The following ARB2A variants were observed in gnomAD, a reference collection of about 807,000 sequenced individuals.
ARB2A encodes the protein ARB2 cotranscriptional regulator A.
chr5:93,932,962 A>C, the ARB2A span, among the ~76,000 whole-genome samples: 1 of 152,230 alleles, frequency 6.6e-6, no homozygotes, highest in Non-Finnish European at 1.5e-5. Context: ...CAAGAAAAAA[A>C]CAAACAATTC....
chr5:94,071,582 C>T, the ARB2A span, among the ~76,000 whole-genome samples: 5 of 151,822 alleles, frequency 3.3e-5, no homozygotes, highest in East Asian at 1.9e-4. Context: ...ACAAAAAATA[C>T]GAATAGGTAT....
the ARB2A span, among the ~76,000 whole-genome samples, chr5:93,972,160 A>T: frequency 6.6e-6 from 1 of 151,986 alleles, no homozygotes; most frequent in African/African-American, 2.4e-5. Context: ...TGGCTGGGGG[A>T]GGGTGCTTTT....
the ARB2A span, among the ~76,000 whole-genome samples, chr5:93,960,539 C>T: frequency 6.6e-6 from 1 of 152,294 alleles, no homozygotes; most frequent in South Asian, 2.1e-4. Context: ...TATATAGTCT[C>T]AGTACCTAAA....
At chr5:93,830,309 G>GTA in the ARB2A span, among the ~76,000 whole-genome samples, 74 of 49,640 alleles carry the variant, frequency 1.5e-3, no homozygotes, top group Middle Eastern at 0.011. Context: ...ATGTGTGTGT[G>GTA]TGTATATATA....
the ARB2A span, among the ~76,000 whole-genome samples, chr5:93,623,564 A>G: frequency 6.6e-6 from 1 of 152,210 alleles, no homozygotes; most frequent in Non-Finnish European, 1.5e-5. Context: ...TAAAATCACT[A>G]CAAAAGCTTT....
the ARB2A span, among the ~76,000 whole-genome samples, chr5:93,989,391 T>G: frequency 6.6e-6 from 1 of 152,158 alleles, no homozygotes; most frequent in Admixed American, 6.5e-5. Context: ...ATTACTATTT[T>G]TATGCCTCCA....
chr5:93,755,598 C>T, the ARB2A span, among the ~76,000 whole-genome samples: 1 of 152,214 alleles, frequency 6.6e-6, no homozygotes, highest in Non-Finnish European at 1.5e-5. Flanking sequence ...CCTCCACTCC[C>T]AAACACACAG....
the ARB2A span, among the ~76,000 whole-genome samples, chr5:93,968,435 T>C: frequency 2.6e-5 from 4 of 152,144 alleles, no homozygotes; most frequent in African/African-American, 9.6e-5. Flanking sequence ...ACTGGGTTTA[T>C]TAGGCTAATT....
the ARB2A span, chr5:93,741,611 G>T: frequency 6.9e-7 from 1 of 1,452,514 alleles, no homozygotes. Flanking sequence ...GATGGCCCTC[G>T]AGGCTTCAGA....
the ARB2A span, among the ~76,000 whole-genome samples, chr5:93,808,078 A>G: frequency 1.3e-5 from 2 of 151,998 alleles, no homozygotes; most frequent in Non-Finnish European, 2.9e-5. Context: ...CAACCTAGGG[A>G]GGGAACATGC....
chr5:93,784,439 CAG>C, the ARB2A span: 1 of 1,613,526 alleles, frequency 6.2e-7, no homozygotes, highest in Non-Finnish European at 8.5e-7. Context: ...ACATTGTGAA[CAG>C]AGTCTGTCAA....
At chr5:94,062,033 T>C in the ARB2A span, among the ~76,000 whole-genome samples, 1 of 152,194 alleles carries the variant, frequency 6.6e-6, no homozygotes, top group African/African-American at 2.4e-5. Context: ...ACTTACTATA[T>C]AGCTACTGTA....
At chr5:93,975,316 CAAAAAAA>C in the ARB2A span, among the ~76,000 whole-genome samples, 1 of 61,864 alleles carries the variant, frequency 1.6e-5, no homozygotes, top group East Asian at 5.2e-4. Flanking sequence ...GACTCCATCT[CAAAAAAA>C]AAAAAAAAAA....
the ARB2A span, among the ~76,000 whole-genome samples, chr5:94,092,458 G>A: frequency 6.6e-6 from 1 of 152,010 alleles, no homozygotes; most frequent in South Asian, 2.1e-4. Context: ...TGACTATCTA[G>A]GACTAACTCT....
At chr5:93,713,434 G>A in the ARB2A span, among the ~76,000 whole-genome samples, 1 of 152,056 alleles carries the variant, frequency 6.6e-6, no homozygotes, top group African/African-American at 2.4e-5. Flanking sequence ...ACATACAGAT[G>A]GCCAAGAGGT....
the ARB2A span, among the ~76,000 whole-genome samples, chr5:94,062,016 A>C: frequency 6.6e-6 from 1 of 152,116 alleles, no homozygotes; most frequent in Non-Finnish European, 1.5e-5. Context: ...ATCACTGTTC[A>C]ATGTTAACTT....
the ARB2A span, among the ~76,000 whole-genome samples, chr5:93,912,968 A>G: frequency 2.4e-4 from 36 of 152,040 alleles, no homozygotes; most frequent in Non-Finnish European, 5.0e-4. Context: ...AACAACTGTC[A>G]TAACTAACTG....
the ARB2A span, among the ~76,000 whole-genome samples, chr5:94,063,833 T>C: frequency 1.5e-4 from 23 of 152,120 alleles, no homozygotes; most frequent in African/African-American, 2.7e-4. Flanking sequence ...ACCAACACCA[T>C]AGATACATTT....
At chr5:93,868,922 T>G in the ARB2A span, among the ~76,000 whole-genome samples, 9 of 152,192 alleles carry the variant, frequency 5.9e-5, no homozygotes, top group African/African-American at 2.2e-4. Context: ...AAAACTCCAT[T>G]TATCTAGTCA....
Sources: gnomAD v4.1 joint callset for allele counts (sites outside exome capture counted in the v4.1 genomes callset) on GRCh38, gnomAD v4.1.1 for gene constraint, MANE v1.5 for transcripts, NCBI Gene and HGNC (gene_info 2026-07-23, HGNC 2026-07-21) for gene names.